Variants in ATF1 observed in about 807,000 individuals in gnomAD.
ATF1 encodes cyclic AMP-dependent transcription factor ATF-1.
ATF1 carries 16 observed loss-of-function variants against 34.7 expected under a neutral mutation model. The ratio of observed to expected loss-of-function variants is 0.46; its 90% confidence interval spans 0.31 to 0.70. ATF1 has a LOEUF of 0.70. Among genes scored for constraint, ATF1 ranks in the 30% least tolerant of loss-of-function variants. The pLI is 0.05. For missense variants in ATF1, 255 were observed against 321.6 expected, an observed-to-expected ratio of 0.79 and a Z score of 1.58; for synonymous variants, 105 against 113.1, an observed-to-expected ratio of 0.93 and a Z score of 0.46.
chr12:50,782,686 C>CA (rs1941095467), intron 2 of ATF1, among the ~76,000 whole-genome samples: 1 of 132,268 alleles, frequency 7.6e-6, no homozygotes, highest in Non-Finnish European at 1.7e-5. Context: ...CTGTGGCCAG[C>CA]CTTTTTTTTT....
chr12:50,774,250 GT>G (rs1235073675), intron 1 of ATF1, among the ~76,000 whole-genome samples: 4 of 152,116 alleles, frequency 2.6e-5, no homozygotes, highest in African/African-American at 9.7e-5. Flanking sequence ...GGCCAGGCTG[GT>G]CTTGAACTCC....
chr12:50,777,886 C>CCT (rs990848604), intron 1 of ATF1, among the ~76,000 whole-genome samples: 1 of 151,286 alleles, frequency 6.6e-6, no homozygotes, highest in African/African-American at 2.4e-5. Context: ...ACCTAGCTGC[C>CCT]CTCTCTCTCT....
chr12:50,802,770 G>T (rs1432449425), intron 3 of ATF1, among the ~76,000 whole-genome samples: 1 of 145,692 alleles, frequency 6.9e-6, no homozygotes, highest in African/African-American at 2.5e-5. Flanking sequence ...TACTCGGGAG[G>T]CTGAGGCAGA....
intron 2 of ATF1, among the ~76,000 whole-genome samples, chr12:50,794,380 C>T (rs1941368660): frequency 1.3e-5 from 2 of 151,584 alleles, no homozygotes; most frequent in South Asian, 4.2e-4. Flanking sequence ...GCCTGACCAA[C>T]ATGGTGAAAC....
At chr12:50,781,758 T>G (rs1182019336) in intron 2 of ATF1, among the ~76,000 whole-genome samples, 2 of 151,776 alleles carry the variant, frequency 1.3e-5, no homozygotes, top group East Asian at 3.9e-4. Flanking sequence ...GCCAAAAAAT[T>G]TTAAAAATTA....
At chr12:50,809,390 AAAAAATTATT>A in intron 3 of ATF1, 56 bp from the exon 4 acceptor site, 167 of 1,325,780 alleles carry the variant, frequency 1.3e-4, no homozygotes, top group Admixed American at 4.0e-4. Flanking sequence ...AAAAAAAAAA[AAAAAATTATT>A]TTTGTGAAGT....
chr12:50,792,355 A>G (rs564325766), intron 2 of ATF1, among the ~76,000 whole-genome samples: 3 of 152,360 alleles, frequency 2.0e-5, no homozygotes, highest in Non-Finnish European at 4.4e-5. Flanking sequence ...TCTTATGTGC[A>G]TAGGTACAAT....
chr12:50,780,119 G>A (rs377481983), intron 1 of ATF1, 21 bp from the exon 2 acceptor site: 21 of 1,533,158 alleles, frequency 1.4e-5, no homozygotes, highest in African/African-American at 2.8e-5. Context: ...TAATTTTAAC[G>A]GACTTTTTTC....
intron 1 of ATF1, among the ~76,000 whole-genome samples, chr12:50,773,589 C>A (rs1940835727): frequency 7.7e-6 from 1 of 130,370 alleles, no homozygotes; most frequent in Non-Finnish European, 1.7e-5. Context: ...ACGATGCCAG[C>A]TATTTTTTTT....
At chr12:50,774,215 A>G (rs775989235) in intron 1 of ATF1, among the ~76,000 whole-genome samples, 10 of 151,888 alleles carry the variant, frequency 6.6e-5, no homozygotes, top group Non-Finnish European at 1.5e-4. Context: ...TTTTATATTT[A>G]GTAGAGACGG....
At chr12:50,763,519 G>A (rs1246722370), upstream of ATF1, among the ~76,000 whole-genome samples, 1 of 150,620 alleles carries the variant, frequency 6.6e-6, no homozygotes, top group Non-Finnish European at 1.5e-5. Flanking sequence ...ATAGGCTGAG[G>A]TTGGAGAATC....
chr12:50,765,874 C>G (rs1282941035), intron 1 of ATF1, among the ~76,000 whole-genome samples: 2 of 152,172 alleles, frequency 1.3e-5, no homozygotes, highest in African/African-American at 4.8e-5. Context: ...TAATCCACCC[C>G]TTGTTTAGCC....
chr12:50,815,412 G>T (rs989508811), intron 6 of ATF1, among the ~76,000 whole-genome samples: 2 of 151,918 alleles, frequency 1.3e-5, no homozygotes, highest in African/African-American at 4.8e-5. Context: ...TTAAGACAAG[G>T]TCTCACTGTG....
intron 2 of ATF1, among the ~76,000 whole-genome samples, chr12:50,783,176 G>A (rs115253668): frequency 0.01 from 1,589 of 152,180 alleles, 29 homozygotes; most frequent in African/African-American, 0.037. Context: ...AATATGGTAA[G>A]TATTAATAAA....
intron 2 of ATF1, among the ~76,000 whole-genome samples, chr12:50,787,262 A>G (rs781142874): frequency 1.3e-5 from 2 of 152,226 alleles, no homozygotes; most frequent in African/African-American, 2.4e-5. Context: ...GTCAAAAACC[A>G]AAACAATAAA....
At chr12:50,818,806 A>T (rs890141341) in intron 6 of ATF1, among the ~76,000 whole-genome samples, 2 of 152,122 alleles carry the variant, frequency 1.3e-5, no homozygotes, top group African/African-American at 4.8e-5. Context: ...AGGTTTTGCC[A>T]TGTTGGCCAG....
In ATF1 at chr12:50,819,951, C is replaced by T; in HGVS notation, c.*172C>T. 1.9e-6 allele frequency: 1 copy of T among 535,224 alleles called. No individual in the cohort carries two copies. Among genetic ancestry groups the T allele is most frequent in the Non-Finnish European group, 3.1e-6 (1 of 319,966 alleles). 33.2% of individuals were successfully genotyped at this position (535,224 alleles called of 1,614,324 possible). On this transcript the variant is annotated 3_prime_UTR_variant, in exon 7 of 7. Transcript: ENST00000262053. ...TGACAGAGGAGAAAGTGGAAAATGA[C>T]CTCAAGGAAGCTACGGGCACAACTG...
At chr12:50,816,686 A>C (rs1458384478) in intron 6 of ATF1, among the ~76,000 whole-genome samples, 1 of 152,048 alleles carries the variant, frequency 6.6e-6, no homozygotes, top group Non-Finnish European at 1.5e-5. Context: ...TGAGCCCAGG[A>C]GTTTGAGACC....
intron 3 of ATF1, among the ~76,000 whole-genome samples, chr12:50,800,049 C>G (rs1941483067): frequency 6.6e-6 from 1 of 152,152 alleles, no homozygotes; most frequent in Non-Finnish European, 1.5e-5. Context: ...AATCATTGCC[C>G]AGACTTACCA....
Sources: allele counts gnomAD v4.1 joint callset (sites outside exome capture counted in the v4.1 genomes callset), GRCh38; gene constraint gnomAD v4.1.1; transcripts MANE v1.5; gene names NCBI Gene and HGNC (gene_info 2026-07-23, HGNC 2026-07-21).